Variants in GIGYF2 observed in about 807,000 individuals in gnomAD.
The protein encoded by GIGYF2 is GRB10-interacting GYF protein 2.
In GIGYF2, 25 loss-of-function variants were observed where a neutral mutation model predicts 208.1. That is an observed-to-expected ratio of 0.12 (90% CI 0.09 to 0.17). GIGYF2 has a LOEUF of 0.17. Among genes scored for constraint, GIGYF2 ranks in the 10% least tolerant of loss-of-function variants. The pLI, the probability that GIGYF2 is intolerant of heterozygous loss-of-function variation, is 1.00. For synonymous variants in GIGYF2, 534 were observed against 543.8 expected (o/e 0.98, Z 0.25); for missense variants, 1,302 against 1,579.4 (o/e 0.82, Z 2.98).
chr2:232,833,407 A>T (rs1701485524), intron 22 of GIGYF2, among the ~76,000 whole-genome samples: 1 of 152,100 alleles, frequency 6.6e-6, no homozygotes. Flanking sequence ...TTTTTAGTAG[A>T]GATGGTGTTT....
At chr2:232,770,888 C>G (rs1402666969) in intron 8 of GIGYF2, 2 of 1,592,176 alleles carry the variant, frequency 1.3e-6, no homozygotes, top group African/African-American at 2.7e-5. Flanking sequence ...TTTTTAAGAA[C>G]AAAGACAAAA....
At chr2:232,740,038 A>G (rs1697912341) in intron 3 of GIGYF2, among the ~76,000 whole-genome samples, 1 of 152,002 alleles carries the variant, frequency 6.6e-6, no homozygotes, top group Non-Finnish European at 1.5e-5. Flanking sequence ...GAATTACTTG[A>G]ACACGGGAGG....
At chr2:232,820,102 C>A in intron 21 of GIGYF2, 117 bp downstream of exon 21, 4 of 989,994 alleles carry the variant, frequency 4.0e-6, no homozygotes, top group Admixed American at 2.1e-5. Flanking sequence ...TAAAAATTAA[C>A]CAAAAGAAAC....
At chr2:232,751,136 A>G (rs1351788758) in intron 5 of GIGYF2, among the ~76,000 whole-genome samples, 2 of 152,004 alleles carry the variant, frequency 1.3e-5, no homozygotes, top group Non-Finnish European at 2.9e-5. Flanking sequence ...CTGGCTCCTC[A>G]TATTTTAAAG....
At chr2:232,709,268 C>T (rs1454161217) in intron 2 of GIGYF2, among the ~76,000 whole-genome samples, 2 of 152,158 alleles carry the variant, frequency 1.3e-5, no homozygotes, top group Non-Finnish European at 2.9e-5. Context: ...ATTAAGTAGG[C>T]TCTCAGTGAA....
At chr2:232,729,664 T>A in intron 2 of GIGYF2, 1 of 930,022 alleles carries the variant, frequency 1.1e-6, no homozygotes, top group Non-Finnish European at 1.7e-6. Flanking sequence ...TGTATCCCAC[T>A]TGAACTAGTT....
intron 21 of GIGYF2, among the ~76,000 whole-genome samples, chr2:232,820,439 C>T (rs1209709872): frequency 2.0e-5 from 3 of 151,700 alleles, no homozygotes; most frequent in Non-Finnish European, 4.4e-5. Flanking sequence ...TTTAGCCTCC[C>T]AAGTAGCTGG....
At chr2:232,803,682 T>C (rs1574903789) in intron 14 of GIGYF2, among the ~76,000 whole-genome samples, 3 of 94,294 alleles carry the variant, frequency 3.2e-5, no homozygotes, top group East Asian at 3.9e-4. Flanking sequence ...TTCTTTTTTT[T>C]TTTTTTTTTT....
At chr2:232,828,461 TC>T (rs759328075) in intron 21 of GIGYF2, among the ~76,000 whole-genome samples, 3 of 151,970 alleles carry the variant, frequency 2.0e-5, no homozygotes, top group Non-Finnish European at 4.4e-5. Context: ...GTTTGTTTGT[TC>T]GTTTGTTTGA....
At chr2:232,839,654 G>A (rs951405787) in intron 22 of GIGYF2, among the ~76,000 whole-genome samples, 195 bp from the exon 23 acceptor site, 2 of 152,156 alleles carry the variant, frequency 1.3e-5, no homozygotes, top group Non-Finnish European at 1.5e-5. Context: ...CTTAGGTTTG[G>A]AGCAGTGACA....
chr2:232,806,015 G>T lies in GIGYF2; in HGVS notation c.1640-476G>T, dbSNP rs907455917. On this transcript the variant is annotated intron_variant, in intron 14 of 28. Transcript: ENST00000373563. This position sits in a 1 kb window ranked among gnomAD's most constrained non-coding sequence, Gnocchi z 4.0. ...ATTATAAAACATTTAGAGAATACTC[G>T]TTTTTTCCCCACTACCAAGATCAGA... 2.0e-5 allele frequency among the ~76,000 whole-genome samples: 3 copies of T among 151,960 alleles called. No individual in the cohort carries two copies. The highest frequency in any genetic ancestry group is 1.9e-4 in the East Asian group (1 of 5,176).
intron 20 of GIGYF2, among the ~76,000 whole-genome samples, chr2:232,819,315 T>A (rs1370382642): frequency 6.6e-6 from 1 of 152,222 alleles, no homozygotes; most frequent in Non-Finnish European, 1.5e-5. Context: ...GACTTCTTTC[T>A]GTGTAATACT....
chr2:232,833,370 C>A (rs1701484387), intron 22 of GIGYF2, among the ~76,000 whole-genome samples: 1 of 152,022 alleles, frequency 6.6e-6, no homozygotes, highest in Non-Finnish European at 1.5e-5. Context: ...ACAGGCATGC[C>A]CCACCACACC....
intron 3 of GIGYF2, among the ~76,000 whole-genome samples, chr2:232,737,181 C>T (rs1051367133): frequency 1.3e-5 from 2 of 152,186 alleles, no homozygotes; most frequent in African/African-American, 4.8e-5. Context: ...CTGGCCCCTG[C>T]CCTACACCAT....
intron 8 of GIGYF2, among the ~76,000 whole-genome samples, chr2:232,769,969 CTGG>C (rs1226483646): frequency 2.0e-5 from 3 of 152,078 alleles, no homozygotes; most frequent in African/African-American, 7.2e-5. Context: ...ACTAATACTG[CTGG>C]TGGTATTGTT....
At chr2:232,815,804 A>C (rs1700888900) in intron 19 of GIGYF2, 67 bp downstream of exon 19, 2 of 828,250 alleles carry the variant, frequency 2.4e-6, no homozygotes, top group African/African-American at 3.3e-5. Flanking sequence ...ATTGCTGTTT[A>C]TTCATCTCTC....
chr2:232,798,955 TTACCATTGCCAG>T, intron 14 of GIGYF2, among the ~76,000 whole-genome samples: 1 of 150,616 alleles, frequency 6.6e-6, no homozygotes, highest in South Asian at 2.1e-4. Context: ...TCCCTGGCAA[TTACCATTGCCAG>T]GGACTGGAGG....
At chr2:232,787,421 A>T (rs1574884654) in intron 9 of GIGYF2, 92 bp downstream of exon 9, 1 of 1,131,032 alleles carries the variant, frequency 8.8e-7, no homozygotes, top group Admixed American at 2.0e-5. Context: ...AAACTGGCTT[A>T]AAAAATGTGG....
chr2:232,796,361 G>A, intron 14 of GIGYF2, 140 bp downstream of exon 14: 1 of 681,480 alleles, frequency 1.5e-6, no homozygotes, highest in South Asian at 1.6e-5. Context: ...CAGACTAGAA[G>A]TGTTTCTGAT....
Sources: allele counts gnomAD v4.1 joint callset (sites outside exome capture counted in the v4.1 genomes callset), GRCh38; gene constraint gnomAD v4.1.1; non-coding constraint Gnocchi (gnomAD v3.1); transcripts MANE v1.5; gene names NCBI Gene and HGNC (gene_info 2026-07-23, HGNC 2026-07-21).